Variants in GALNT18 observed in about 807,000 individuals in gnomAD.
GALNT18 encodes GalNAc-transferase 18.
GALNT18 carries 44 observed loss-of-function variants against 69.5 expected under a neutral mutation model. The ratio of observed to expected loss-of-function variants is 0.63; its 90% CI spans 0.50 to 0.81. The LOEUF (loss-of-function observed/expected upper bound fraction) is 0.81, where lower values mean the gene tolerates loss of function less well. Ranked by LOEUF, GALNT18 falls within the 40% of genes least tolerant of loss-of-function variation. GALNT18 has a pLI of 0.00. For synonymous variants in GALNT18, 364 were observed against 318.2 expected (o/e 1.14, Z -1.53); for missense variants, 715 against 810.0 (o/e 0.88, Z 1.42).
At chr11:11,310,355 G>C (rs959580916) in intron 9 of GALNT18, among the ~76,000 whole-genome samples, 5 of 152,186 alleles carry the variant, frequency 3.3e-5, no homozygotes, top group Non-Finnish European at 7.3e-5. Context: ...TAATTTAGTT[G>C]TTCCTTTGTT....
At position 11,538,550 on chromosome 11, in the gene GALNT18, A is replaced by G. The variant is rs1857836274; in HGVS notation, c.235+82809T>C. On this transcript the variant is annotated intron_variant, in intron 1 of 10. Coordinates refer to ENST00000227756, the MANE Select transcript of GALNT18 (RefSeq NM_198516.3). The surrounding 1 kb of genome is among the most constrained non-coding windows in gnomAD (Gnocchi z 5.2). ...GTGTGAACTTTTCCCTGCTTGCACC[A>G]ACAACCCGATAGCCCTGGAGCTCGC... 6.6e-6 allele frequency among the ~76,000 whole-genome samples: 1 copy of G among 152,152 alleles called. No individual in the cohort carries two copies. The highest frequency in any genetic ancestry group is 2.4e-5 in the African/African-American group (1 of 41,442).
rs1850937440 is a variant in GALNT18 at position 11,372,644 on chromosome 11, G to T, written c.978-15C>A. 1.2e-6 allele frequency: 2 copies of T among 1,602,382 alleles called. No individual in the cohort carries two copies. Among genetic ancestry groups the T allele is most frequent in the Non-Finnish European group, 8.5e-7 (1 of 1,170,014 alleles). On this transcript the variant is annotated splice_polypyrimidine_tract_variant and intron_variant, in intron 5 of 10. Coordinates refer to ENST00000227756, the MANE Select transcript of GALNT18 (RefSeq NM_198516.3). The surrounding 1 kb of genome is among the most constrained non-coding windows in gnomAD (Gnocchi z 4.9). ...GGGCAGGGCTCCTGCAGGGGCAGGG[G>T]AGAGCAGAAGGGCTGTCTGGTGCAG...
chr11:11,372,744 C>T lies in GALNT18; in HGVS notation c.978-115G>A. The T allele has an allele frequency of 1.2e-6, 1 of 803,092 alleles. No individual in the cohort carries two copies. The highest frequency in any genetic ancestry group is 1.6e-5 in the South Asian group (1 of 64,346). The allele number at this position is 803,092 out of a possible 1,614,324, so 49.7% of individuals were successfully genotyped here. On this transcript the variant is annotated intron_variant, in intron 5 of 10. Coordinates refer to ENST00000227756, the MANE Select transcript of GALNT18 (RefSeq NM_198516.3). The surrounding 1 kb of genome is among the most constrained non-coding windows in gnomAD (Gnocchi z 4.9). ...TCTCTTCCTTCCTTTGCTGCCAGAGCCAGTGTGAGCCTTGTTCTTGGAGTG... is the reference window on the plus strand; with the variant it reads ...TCTCTTCCTTCCTTTGCTGCCAGAGTCAGTGTGAGCCTTGTTCTTGGAGTG...
At chr11:11,274,754 T>C (rs920984263) in intron 10 of GALNT18, among the ~76,000 whole-genome samples, 1 of 152,206 alleles carries the variant, frequency 6.6e-6, no homozygotes, top group Non-Finnish European at 1.5e-5. Context: ...CCTGTGTCCA[T>C]GTGTTCTCAT....
chr11:11,521,148 C>T (rs1857389808), intron 1 of GALNT18, among the ~76,000 whole-genome samples: 1 of 151,768 alleles, frequency 6.6e-6, no homozygotes, highest in Non-Finnish European at 1.5e-5. Context: ...CCAAGGCCCA[C>T]CACCTCCTGG....
Position 11,377,928 on chromosome 11 carries a change from G to A in GALNT18, c.780-549C>T, listed in dbSNP as rs1853813540. Among the ~76,000 whole-genome samples, 1 of 152,150 alleles carries A rather than the reference G, an allele frequency of 6.6e-6. No homozygotes were observed. Among genetic ancestry groups the A allele is most frequent in the African/African-American group, 2.4e-5 (1 of 41,422 alleles). On this transcript the variant is annotated intron_variant, in intron 4 of 10. Transcript: ENST00000227756. This position sits in a 1 kb window ranked among gnomAD's most constrained non-coding sequence, Gnocchi z 4.6. ...TTCCCAACCACCCAAGGAGGGGTGG[G>A]GCATTTGGGCTTTCCCAGGGAGCTG...
In GALNT18 at chr11:11,541,354, G is replaced by A. The variant is rs971563797; in HGVS notation, c.235+80005C>T. 5.3e-5 allele frequency among the ~76,000 whole-genome samples: 8 copies of A among 151,994 alleles called. No homozygotes were observed. In the East Asian group the frequency reaches 1.3e-3, roughly 26 times the overall value. On this transcript the variant is annotated intron_variant, in intron 1 of 10. Coordinates refer to ENST00000227756, the MANE Select transcript of GALNT18 (RefSeq NM_198516.3). The surrounding 1 kb of genome is among the most constrained non-coding windows in gnomAD (Gnocchi z 4.8). ...CTCAAACTCCACCTAGATCACCACC[G>A]TTATGATGATGATCTCCGCCTTCAG...
At position 11,377,894 on chromosome 11, in the gene GALNT18, C is replaced by A. The variant is rs966746451; in HGVS notation, c.780-515G>T. Among the ~76,000 whole-genome samples the A allele has an allele frequency of 6.6e-6, 1 of 152,260 alleles. No individual in the cohort carries two copies. The highest frequency in any genetic ancestry group is 6.5e-5 in the Admixed American group (1 of 15,294). On this transcript the variant is annotated intron_variant, in intron 4 of 10. Coordinates refer to ENST00000227756, the MANE Select transcript of GALNT18 (RefSeq NM_198516.3). The surrounding 1 kb of genome is among the most constrained non-coding windows in gnomAD (Gnocchi z 4.6). ...ATGCCAGCTGTGCCACATCCACCCC[C>A]CAAAGCGTTTCCCAACCACCCAAGG... is the stretch of plus-strand genomic sequence containing the variant.
chr11:11,522,909 C>T (rs1310727140), intron 1 of GALNT18, among the ~76,000 whole-genome samples: 1 of 152,186 alleles, frequency 6.6e-6, no homozygotes, highest in Non-Finnish European at 1.5e-5. Flanking sequence ...CCCACCCTTA[C>T]TCTGAAATTC....
intron 1 of GALNT18, among the ~76,000 whole-genome samples, chr11:11,455,383 G>T (rs1362583799): frequency 6.6e-6 from 1 of 152,044 alleles, no homozygotes; most frequent in Admixed American, 6.6e-5. Flanking sequence ...GCAGAGGGAA[G>T]GCTTCCTAAA....
rs1858055321 is a variant in GALNT18, at chr11:11,546,461, C to A, written c.235+74898G>T. The stretch of plus-strand genomic sequence containing the variant: ...TCTCTTGCCTGTACTTGAGGACATC[C>A]CAGCGCTTATCATCTCAGAACCTAC... On this transcript the variant is annotated intron_variant, in intron 1 of 10. Coordinates refer to ENST00000227756, the MANE Select transcript of GALNT18 (RefSeq NM_198516.3). The surrounding 1 kb of genome is among the most constrained non-coding windows in gnomAD (Gnocchi z 5.8). Among the ~76,000 whole-genome samples the A allele has an allele frequency of 6.6e-6, 1 of 152,194 alleles. No homozygotes were observed. The highest frequency in any genetic ancestry group is 2.4e-5 in the African/African-American group (1 of 41,446).
At chr11:11,361,309 T>G (rs927478998) in intron 6 of GALNT18, among the ~76,000 whole-genome samples, 1 of 152,210 alleles carries the variant, frequency 6.6e-6, no homozygotes, top group Non-Finnish European at 1.5e-5. Flanking sequence ...TCTTTACCAC[T>G]TACCAGTCAT....
At position 11,271,326 on chromosome 11, in the gene GALNT18, T is replaced by C. The variant is rs192259158; in HGVS notation, c.1678-36A>G. 1.2e-3 allele frequency: 1,864 copies of C among 1,596,126 alleles called. 40 individuals carry two copies. The Admixed American group carries it at 0.03, about 26-fold the overall frequency. On this transcript the variant is annotated intron_variant, in intron 10 of 10. Transcript: ENST00000227756. Reference sequence around the variant, plus strand: ...GGGCAGACAGTGGGGTCAGAGGGCATAGAGGCAACATGCAGAAATTCGGGA... The same window carrying C: ...GGGCAGACAGTGGGGTCAGAGGGCACAGAGGCAACATGCAGAAATTCGGGA...
chr11:11,535,215 G>A (rs550278381), intron 1 of GALNT18, among the ~76,000 whole-genome samples: 60 of 152,286 alleles, frequency 3.9e-4, no homozygotes, highest in Middle Eastern at 3.4e-3. Flanking sequence ...CCTGGCCCCC[G>A]GCCAGTTGGA....
rs534376769 is a variant in GALNT18, at chr11:11,430,701, G to A, written c.595+1920C>T. ...TCATTGACCTCCCCTCTGTTGGCCC[G>A]CCTGCCCATGGCTTCTCAGCCAAAT... On this transcript the variant is annotated intron_variant, in intron 3 of 10. Transcript: ENST00000227756. The surrounding 1 kb of genome is among the most constrained non-coding windows in gnomAD (Gnocchi z 4.9). Among the ~76,000 whole-genome samples, 15 of 152,230 alleles carry A rather than the reference G, an allele frequency of 9.9e-5. No individual in the cohort carries two copies. Among genetic ancestry groups the A allele is most frequent in the South Asian group, 2.1e-4 (1 of 4,814 alleles).
At chr11:11,571,987 T>C (rs1858803674) in intron 1 of GALNT18, among the ~76,000 whole-genome samples, 1 of 152,188 alleles carries the variant, frequency 6.6e-6, no homozygotes. Context: ...GGCATAGGAA[T>C]TCCCTGGGAA....
Position 11,430,185 on chromosome 11 carries a change from C to T in GALNT18, c.595+2436G>A, listed in dbSNP as rs540888992. On this transcript the variant is annotated intron_variant, in intron 3 of 10. Coordinates refer to ENST00000227756, the MANE Select transcript of GALNT18 (RefSeq NM_198516.3). The surrounding 1 kb of genome is among the most constrained non-coding windows in gnomAD (Gnocchi z 4.9). ...TTTTTAAAACAGCGATGTCTAGAACCCTCTTTGAACTCACTGAACCAGAAT... is the reference window on the plus strand; with the variant it reads ...TTTTTAAAACAGCGATGTCTAGAACTCTCTTTGAACTCACTGAACCAGAAT... 1.3e-5 allele frequency among the ~76,000 whole-genome samples: 2 copies of T among 151,964 alleles called. No homozygotes were observed. The highest frequency in any genetic ancestry group is 2.1e-4 in the South Asian group (1 of 4,814).
intron 6 of GALNT18, among the ~76,000 whole-genome samples, chr11:11,348,823 C>G (rs1376063238): frequency 6.6e-6 from 1 of 152,180 alleles, no homozygotes; most frequent in Non-Finnish European, 1.5e-5. Context: ...TGGCTCATGC[C>G]TTGGCTATGC....
At chr11:11,291,216 G>A (rs1445394564) in intron 10 of GALNT18, among the ~76,000 whole-genome samples, 1 of 152,158 alleles carries the variant, frequency 6.6e-6, no homozygotes, top group Non-Finnish European at 1.5e-5. Context: ...CCACAGAGAG[G>A]GAGGTGGGAG....
Sources: allele counts gnomAD v4.1 joint callset (sites outside exome capture counted in the v4.1 genomes callset), GRCh38; gene constraint gnomAD v4.1.1; non-coding constraint Gnocchi (gnomAD v3.1); transcripts MANE v1.5; gene names NCBI Gene and HGNC (gene_info 2026-07-23, HGNC 2026-07-21).